TMEM177: variants seen among roughly 807,000 people sequenced by gnomAD.
The protein encoded by TMEM177 is transmembrane protein 177.
TMEM177 carries 4 observed loss-of-function variants against 14.2 expected under a neutral mutation model. The ratio of observed to expected loss-of-function variants is 0.28; its 90% confidence interval spans 0.14 to 0.64. The LOEUF is 0.64. TMEM177 is among the 30% of genes least tolerant of loss of function. The pLI is 0.82. For missense variants in TMEM177, 344 were observed against 405.2 expected (o/e 0.85, Z 1.30); for synonymous variants, 179 against 174.5 (o/e 1.03, Z -0.20).
At chr2:119,689,074 T>C (rs936679606), downstream of TMEM177, among the ~76,000 whole-genome samples, 52 of 152,308 alleles carry the variant, frequency 3.4e-4, no homozygotes, top group African/African-American at 1.2e-3. Flanking sequence ...CCTCCACAGA[T>C]GTCACACCTG....
chr2:119,716,745 T>C, the TMEM177 span, among the ~76,000 whole-genome samples: 1 of 152,198 alleles, frequency 6.6e-6, no homozygotes, highest in Non-Finnish European at 1.5e-5. Context: ...AATGCAATTA[T>C]TTGGGGGTCT....
At chr2:119,719,652 T>C in the TMEM177 span, among the ~76,000 whole-genome samples, 10 of 152,134 alleles carry the variant, frequency 6.6e-5, no homozygotes, top group Non-Finnish European at 1.2e-4. Flanking sequence ...CTTACAATCA[T>C]GAAGGGAAAC....
At chr2:119,712,372 A>T in the TMEM177 span, among the ~76,000 whole-genome samples, 6 of 151,780 alleles carry the variant, frequency 4.0e-5, no homozygotes, top group South Asian at 1.0e-3. Flanking sequence ...TGAAGCCTGA[A>T]CCCCCAGTAT....
At chr2:119,680,764 C>T (rs906685216) in intron 1 of TMEM177, 68 bp from the exon 2 acceptor site, 1 of 1,294,552 alleles carries the variant, frequency 7.7e-7, no homozygotes, top group Non-Finnish European at 1.1e-6. Flanking sequence ...GTGGTGTGGA[C>T]CCTGGAGGAT....
chr2:119,701,163 G>A, the TMEM177 span, among the ~76,000 whole-genome samples: 5 of 152,308 alleles, frequency 3.3e-5, no homozygotes, highest in Admixed American at 3.3e-4. Flanking sequence ...TTAAGGTGCT[G>A]TGTCCTTTGC....
At chr2:119,711,023 C>G in the TMEM177 span, among the ~76,000 whole-genome samples, 28 of 152,190 alleles carry the variant, frequency 1.8e-4, no homozygotes, top group Non-Finnish European at 2.9e-4. Flanking sequence ...GCACTCCCTC[C>G]TCTTCCCCAA....
chr2:119,680,212 G>T (rs750072847), intron 1 of TMEM177, among the ~76,000 whole-genome samples: 6 of 152,184 alleles, frequency 3.9e-5, no homozygotes, highest in Non-Finnish European at 8.8e-5. Context: ...GGTACTGGGG[G>T]TTAGGACTTA....
the TMEM177 span, among the ~76,000 whole-genome samples, chr2:119,718,630 G>T: frequency 6.6e-6 from 1 of 152,188 alleles, no homozygotes; most frequent in Non-Finnish European, 1.5e-5. Context: ...GACTAGGTCC[G>T]CATCCAGTGT....
downstream of TMEM177, among the ~76,000 whole-genome samples, chr2:119,682,408 C>G (rs747209439): frequency 5.9e-5 from 9 of 152,160 alleles, no homozygotes; most frequent in Non-Finnish European, 1.0e-4. Flanking sequence ...AAGTGGTGGT[C>G]AAATCCCAAT....
the TMEM177 span, among the ~76,000 whole-genome samples, chr2:119,720,480 G>T: frequency 2.0e-5 from 3 of 151,990 alleles, no homozygotes; most frequent in Non-Finnish European, 4.4e-5. Flanking sequence ...ATGTTGGTCA[G>T]GCTGGTCTTG....
chr2:119,685,945 G>A (rs1484662925), downstream of TMEM177: 1 of 527,004 alleles, frequency 1.9e-6, no homozygotes, highest in East Asian at 3.2e-5. Flanking sequence ...CCAGCTAACT[G>A]AAGAGAAAGG....
intron 1 of TMEM177, among the ~76,000 whole-genome samples, chr2:119,680,491 G>A (rs1364419738): frequency 1.3e-5 from 2 of 152,170 alleles, no homozygotes; most frequent in Non-Finnish European, 2.9e-5. Context: ...GAGGCAGTTG[G>A]AGTGCCGTGC....
chr2:119,695,069 G>A, the TMEM177 span, among the ~76,000 whole-genome samples: 1 of 152,174 alleles, frequency 6.6e-6, no homozygotes, highest in East Asian at 1.9e-4. Flanking sequence ...ATACGGCAAA[G>A]CCCTTCTGAA....
At chr2:119,701,444 G>T in the TMEM177 span, among the ~76,000 whole-genome samples, 1 of 152,180 alleles carries the variant, frequency 6.6e-6, no homozygotes, top group South Asian at 2.1e-4. Flanking sequence ...GGGTTGAGGG[G>T]ATTGAGAGCA....
At chr2:119,685,220 C>A (rs1214401160), downstream of TMEM177, among the ~76,000 whole-genome samples, 4 of 132,884 alleles carry the variant, frequency 3.0e-5, no homozygotes, top group Admixed American at 7.6e-5. Flanking sequence ...CCGCCCCCCC[C>A]CCCCTTTGCA....
chr2:119,691,335 T>G (rs959485791), downstream of TMEM177, among the ~76,000 whole-genome samples: 28 of 152,110 alleles, frequency 1.8e-4, no homozygotes, highest in African/African-American at 6.3e-4. Context: ...TAAAGCACCT[T>G]GGACAGTGCC....
chr2:119,712,436 A>G, the TMEM177 span, among the ~76,000 whole-genome samples: 1 of 152,140 alleles, frequency 6.6e-6, no homozygotes, highest in Non-Finnish European at 1.5e-5. Context: ...TTAAGTTAAA[A>G]TGAGGTCATT....
the TMEM177 span, among the ~76,000 whole-genome samples, chr2:119,706,582 TTTTTC>T: frequency 1.3e-5 from 2 of 152,232 alleles, no homozygotes; most frequent in Non-Finnish European, 2.9e-5. Flanking sequence ...GCTTCCTTTT[TTTTTC>T]TTTTGTTGAC....
chr2:119,683,941 C>G (rs1688964963), downstream of TMEM177, among the ~76,000 whole-genome samples: 1 of 150,724 alleles, frequency 6.6e-6, no homozygotes, highest in Admixed American at 6.6e-5. Flanking sequence ...ACTCACCCAG[C>G]ACCCAGCCTT....
Sources: allele counts gnomAD v4.1 joint callset (sites outside exome capture counted in the v4.1 genomes callset), GRCh38; gene constraint gnomAD v4.1.1; transcripts MANE v1.5; gene names NCBI Gene and HGNC (gene_info 2026-07-23, HGNC 2026-07-21).